Variants in PRH1 observed in about 807,000 individuals in gnomAD.
PRH1 encodes the protein proline rich protein HaeIII subfamily 1.
In PRH1, 7 loss-of-function variants were observed where a neutral mutation model predicts 7.9. That is an observed-to-expected ratio of 0.89 (90% CI 0.50 to 1.67). The LOEUF (loss-of-function observed/expected upper bound fraction) is 1.67, where lower values mean the gene tolerates loss of function less well. Among genes scored for constraint, PRH1 ranks in the 40% most tolerant of loss-of-function variants. The pLI, the probability that PRH1 is intolerant of heterozygous loss-of-function variation, is 0.00. For missense variants in PRH1, 109 were observed against 223.6 expected (o/e 0.49, Z 3.27); for synonymous variants, 45 against 80.8 (o/e 0.56, Z 2.38).
chr12:10,963,482 T>C (rs1287850316), intron 2 of PRH1, among the ~76,000 whole-genome samples: 1 of 152,210 alleles, frequency 6.6e-6, no homozygotes, highest in Non-Finnish European at 1.5e-5. Context: ...ATTTATGTGA[T>C]TTTTAAAAAG....
chr12:10,919,380 T>A (rs769516518), intron 2 of PRH1, among the ~76,000 whole-genome samples: 2 of 152,142 alleles, frequency 1.3e-5, no homozygotes, highest in Non-Finnish European at 2.9e-5. Context: ...ACATGAAAGG[T>A]GAGAGGATAG....
intron 1 of PRH1, among the ~76,000 whole-genome samples, chr12:11,115,185 C>T (rs1041481032): frequency 1.3e-5 from 2 of 151,850 alleles, no homozygotes; most frequent in Non-Finnish European, 1.5e-5. Context: ...AAGACATGCA[C>T]AGAAAGAAAA....
rs780682764 is a variant in PRH1, at chr12:11,075,167, C to T, written n.124-27979G>A. ...ACTTTTCCATGCATTTATAATATGG[C>T]AATTAAAACATTCATTTAGAAAGGA... On this transcript the variant is annotated intron_variant and non_coding_transcript_variant, in intron 1 of 4. Transcript: ENST00000541977. Among the ~76,000 whole-genome samples, 8 of 125,682 alleles carry T rather than the reference C, an allele frequency of 6.4e-5. 2 individuals are homozygous for T. The highest frequency in any genetic ancestry group is 1.5e-4 in the Non-Finnish European group (8 of 54,344). 82.5% of individuals were successfully genotyped at this position (125,682 alleles called of 152,430 possible).
chr12:10,934,491 T>C (rs1163118066), intron 2 of PRH1, among the ~76,000 whole-genome samples: 1 of 152,124 alleles, frequency 6.6e-6, no homozygotes, highest in Non-Finnish European at 1.5e-5. Flanking sequence ...GAGGATACTA[T>C]ACAAGGCATT....
intron 1 of PRH1, among the ~76,000 whole-genome samples, chr12:11,091,045 G>GA (rs1244489627): frequency 2.3e-5 from 2 of 88,800 alleles, no homozygotes; most frequent in African/African-American, 7.2e-5. Context: ...CAGTTTGTAT[G>GA]AAAAAACAGA....
intron 1 of PRH1, chr12:11,092,079 GAGCAGTGAGAATTTGGTC>G (rs200922417): frequency 0.014 from 22,024 of 1,549,924 alleles, 144 homozygotes; most frequent in Middle Eastern, 0.032. Context: ...GAGACCGCCA[GAGCAGTGAGAATTTGGTC>G]AGCAAAGGAG....
chr12:11,067,104 T>G (rs1265589826), intron 1 of PRH1, among the ~76,000 whole-genome samples: 1 of 152,118 alleles, frequency 6.6e-6, no homozygotes, highest in Non-Finnish European at 1.5e-5. Flanking sequence ...ATCTGGATCA[T>G]TTTACTATAG....
intron 1 of PRH1, among the ~76,000 whole-genome samples, chr12:11,033,761 A>G (rs1304584399): frequency 1.3e-5 from 2 of 152,258 alleles, no homozygotes; most frequent in Non-Finnish European, 2.9e-5. Context: ...CCTTCAGTAT[A>G]TAATGAGACG....
At chr12:11,015,336 T>C (rs1436260810) in intron 1 of PRH1, among the ~76,000 whole-genome samples, 1 of 152,264 alleles carries the variant, frequency 6.6e-6, no homozygotes, top group Non-Finnish European at 1.5e-5. Context: ...GGTCTAACAC[T>C]GCACTTGACC....
chr12:10,884,103 T>C, intron 1 of PRH1, 51 bp downstream of exon 1: 1 of 1,610,556 alleles, frequency 6.2e-7, no homozygotes. Context: ...CTATAGCATT[T>C]GCCTGTAAAC....
chr12:11,021,797 G>C, intron 1 of PRH1: 1 of 1,614,228 alleles, frequency 6.2e-7, no homozygotes, highest in Non-Finnish European at 8.5e-7. Context: ...AGGAGTACAA[G>C]TTTGCTCTGC....
chr12:10,983,247 A>G (rs1028077103), intron 1 of PRH1, among the ~76,000 whole-genome samples: 6 of 152,164 alleles, frequency 3.9e-5, no homozygotes, highest in Non-Finnish European at 7.4e-5. Context: ...ACAAAACAGC[A>G]AGTGCAGAAG....
intron 2 of PRH1, among the ~76,000 whole-genome samples, chr12:10,928,528 T>C (rs1950154915): frequency 6.6e-6 from 1 of 152,224 alleles, no homozygotes; most frequent in Non-Finnish European, 1.5e-5. Context: ...TTTGCTTTAA[T>C]AATCCCTAAA....
At chr12:10,983,518 C>T (rs543299516) in intron 1 of PRH1, among the ~76,000 whole-genome samples, 1 of 152,306 alleles carries the variant, frequency 6.6e-6, no homozygotes, top group African/African-American at 2.4e-5. Flanking sequence ...ACACTGGGGG[C>T]ATGAGGTTTG....
At chr12:10,997,332 G>C (rs1185437233) in intron 1 of PRH1, 1 of 1,613,962 alleles carries the variant, frequency 6.2e-7, no homozygotes, top group Non-Finnish European at 8.5e-7. Context: ...AAGTTTGCTA[G>C]CATGGCTACA....
At chr12:11,001,484 G>C (rs560135711) in intron 1 of PRH1, among the ~76,000 whole-genome samples, 44 of 152,140 alleles carry the variant, frequency 2.9e-4, no homozygotes, top group South Asian at 6.2e-4. Context: ...ACTTGGGGCA[G>C]GATGGGAGAA....
In PRH1 at chr12:10,904,268, C is replaced by T. The variant is rs1049342514; in HGVS notation, c.-58-19993G>A. On this transcript the variant is annotated intron_variant, in intron 2 of 3. Transcript: ENST00000539853. Reference sequence around the variant, plus strand: ...AAGCCAGAGGAATCACATTACCTGACTTCAAACTATACTATAAAGCTACAG... The same window carrying T: ...AAGCCAGAGGAATCACATTACCTGATTTCAAACTATACTATAAAGCTACAG... Among the ~76,000 whole-genome samples the T allele has an allele frequency of 4.6e-5, 7 of 152,116 alleles. No individual in the cohort carries two copies. In the East Asian group the frequency reaches 1.2e-3, roughly 25 times the overall value.
chr12:10,929,577 G>T (rs1334629768), intron 2 of PRH1, among the ~76,000 whole-genome samples: 1 of 152,138 alleles, frequency 6.6e-6, no homozygotes. Context: ...AGTGAGATTT[G>T]CATTTATAGA....
At chr12:10,952,979 C>T (rs1023053511) in intron 2 of PRH1, among the ~76,000 whole-genome samples, 3 of 152,036 alleles carry the variant, frequency 2.0e-5, no homozygotes, top group African/African-American at 7.2e-5. Flanking sequence ...TGTTGAGGTG[C>T]CAGAGAACAA....
Sources: gnomAD v4.1 joint callset for allele counts (sites outside exome capture counted in the v4.1 genomes callset) on GRCh38, gnomAD v4.1.1 for gene constraint, MANE v1.5 for transcripts, NCBI Gene and HGNC (gene_info 2026-07-23, HGNC 2026-07-21) for gene names.